The following KCNK2 variants were observed in gnomAD, a reference collection of about 807,000 sequenced individuals.
KCNK2 encodes potassium channel subfamily K member 2.
KCNK2 carries 21 observed loss-of-function variants against 40.5 expected under a neutral mutation model. That is an observed-to-expected ratio of 0.52 (90% CI 0.37 to 0.75). KCNK2 has a LOEUF of 0.75. Among genes scored for constraint, KCNK2 ranks in the 30% least tolerant of loss-of-function variants. The pLI, the probability that KCNK2 is intolerant of heterozygous loss-of-function variation, is 0.00. For missense variants in KCNK2, 399 were observed against 531.6 expected (o/e 0.75, Z 2.45); for synonymous variants, 191 against 202.2 (o/e 0.94, Z 0.47).
chr1:215,147,407 A>G (rs973701224), intron 3 of KCNK2, among the ~76,000 whole-genome samples: 4 of 152,246 alleles, frequency 2.6e-5, no homozygotes, highest in Non-Finnish European at 4.4e-5. Flanking sequence ...AAAATTCTAA[A>G]ATGAACAGAT....
At chr1:215,205,543 G>A (rs1279739739) in intron 6 of KCNK2, among the ~76,000 whole-genome samples, 1 of 152,096 alleles carries the variant, frequency 6.6e-6, no homozygotes, top group African/African-American at 2.4e-5. Context: ...GTGTCCGGCT[G>A]GGAAGAAGAT....
intron 3 of KCNK2, among the ~76,000 whole-genome samples, chr1:215,151,851 A>G (rs913808323): frequency 6.6e-6 from 1 of 152,086 alleles, no homozygotes; most frequent in Admixed American, 6.6e-5. Flanking sequence ...CAGGAATTTT[A>G]GCCTAACCAT....
At chr1:215,228,277 G>C (rs913334897) in intron 6 of KCNK2, among the ~76,000 whole-genome samples, 7 of 152,230 alleles carry the variant, frequency 4.6e-5, no homozygotes, top group African/African-American at 1.2e-4. Flanking sequence ...ACAGCCATGA[G>C]AGTGTGCTGA....
At chr1:215,147,558 G>A (rs183895316) in intron 3 of KCNK2, among the ~76,000 whole-genome samples, 15 of 151,996 alleles carry the variant, frequency 9.9e-5, no homozygotes, top group East Asian at 5.8e-4. Flanking sequence ...GTGGCCTGGC[G>A]CAGTGGCTCA....
intron 2 of KCNK2, among the ~76,000 whole-genome samples, chr1:215,122,466 A>G (rs1267518303): frequency 1.3e-5 from 2 of 152,136 alleles, no homozygotes; most frequent in East Asian, 3.8e-4. Context: ...AGAATTAGCT[A>G]TCTCAAGCTT....
At chr1:215,089,895 C>T (rs1030667932) in intron 2 of KCNK2, among the ~76,000 whole-genome samples, 11 of 150,196 alleles carry the variant, frequency 7.3e-5, no homozygotes, top group Non-Finnish European at 1.3e-4. Context: ...GGCGTGATCT[C>T]GGCTCACTGC....
chr1:215,025,574 A>G (rs1418325133), intron 1 of KCNK2, among the ~76,000 whole-genome samples: 2 of 152,216 alleles, frequency 1.3e-5, no homozygotes, highest in East Asian at 3.9e-4. Context: ...GTCACATTAT[A>G]TATTATGTGC....
At chr1:215,139,634 T>G (rs1371080656) in intron 3 of KCNK2, among the ~76,000 whole-genome samples, 1 of 152,050 alleles carries the variant, frequency 6.6e-6, no homozygotes. Context: ...AAATACAAAA[T>G]TAGCTGGACT....
chr1:215,177,045 A>G (rs1250000897), intron 5 of KCNK2, among the ~76,000 whole-genome samples: 5 of 152,176 alleles, frequency 3.3e-5, no homozygotes, highest in Admixed American at 6.5e-5. Flanking sequence ...CTGGCATGGA[A>G]TGGTAGCTCA....
intron 5 of KCNK2, among the ~76,000 whole-genome samples, chr1:215,180,458 G>C (rs1023021768): frequency 1.3e-5 from 2 of 151,932 alleles, no homozygotes; most frequent in African/African-American, 4.8e-5. Flanking sequence ...AACCTCTGTG[G>C]GCTATATACT....
In KCNK2 at chr1:215,086,607, G is replaced by T. The variant is rs777449271; in HGVS notation, c.286G>T (p.Val96Leu). 37 of 1,614,082 alleles carry T rather than the reference G, an allele frequency of 2.3e-5. No homozygotes were observed. The Middle Eastern group carries it at 9.9e-4, about 43-fold the overall frequency. The change falls in exon 2 of 7, where the codon GTG (valine) becomes TTG (leucine). Residue 96 changes from valine to leucine, a missense_variant. Val to Leu is a conservative substitution (Grantham distance 32). Around this residue, in one of 3 missense-constraint regions of KCNK2, gnomAD observed 279 missense variants for 353.8 expected, o/e 0.79. Coordinates refer to ENST00000444842, the MANE Select transcript of KCNK2 (RefSeq NM_001017425.3). ...PHEISQRTTI[V>L]IQKQTFISQH... is the part of the protein sequence containing the mutation. ...TGAGATTTCACAGAGGACCACCATT[G>T]TGATCCAGAAGCAAACATTCATATC...
At chr1:215,213,453 A>G (rs1665828231) in intron 6 of KCNK2, among the ~76,000 whole-genome samples, 1 of 152,160 alleles carries the variant, frequency 6.6e-6, no homozygotes. Flanking sequence ...TACTAAAAAA[A>G]TACAAAAATT....
intron 2 of KCNK2, among the ~76,000 whole-genome samples, chr1:215,117,727 G>T (rs1661009849): frequency 1.3e-5 from 2 of 152,070 alleles, no homozygotes; most frequent in South Asian, 2.1e-4. Context: ...GAAGTTGTTT[G>T]CTTCCTTGTT....
In KCNK2 at chr1:215,086,541, A is replaced by G. The variant is rs1558084201; in HGVS notation, c.220A>G (p.Ile74Val). 1 of 1,614,140 alleles carries G rather than the reference A, an allele frequency of 6.2e-7. No individual in the cohort carries two copies. The highest frequency in any genetic ancestry group is 2.2e-5 in the East Asian group (1 of 44,876). ...TIFLVVVLYL[I>V]IGATVFKALE... ...ATTCCTGGTGGTTGTCCTCTATCTGATCATCGGAGCCACCGTGTTCAAAGC... is the reference window on the plus strand; with the variant it reads ...ATTCCTGGTGGTTGTCCTCTATCTGGTCATCGGAGCCACCGTGTTCAAAGC... The change falls in exon 2 of 7, where the codon ATC (isoleucine) becomes GTC (valine). Residue 74 changes from isoleucine to valine, a missense_variant. By Grantham distance (29) the Ile-to-Val change is conservative. Transcript: ENST00000444842.
chr1:215,173,046 T>G (rs1380558857), intron 5 of KCNK2, among the ~76,000 whole-genome samples: 2 of 152,176 alleles, frequency 1.3e-5, no homozygotes, highest in Non-Finnish European at 2.9e-5. Flanking sequence ...GTTACACATG[T>G]GCCATGTTGG....
chr1:215,215,737 A>C (rs1665934925), intron 6 of KCNK2, among the ~76,000 whole-genome samples: 2 of 152,134 alleles, frequency 1.3e-5, no homozygotes, highest in African/African-American at 4.8e-5. Flanking sequence ...TTATCCTTAC[A>C]TTCAGAGGCA....
At chr1:215,081,176 TG>T (rs1305444332), upstream of KCNK2, among the ~76,000 whole-genome samples, 1 of 150,864 alleles carries the variant, frequency 6.6e-6, no homozygotes, top group Non-Finnish European at 1.5e-5. Flanking sequence ...TGTGTGTGTG[TG>T]TGTGTGTGTG....
chr1:215,106,664 G>T (rs149253405), intron 2 of KCNK2, among the ~76,000 whole-genome samples: 17 of 152,102 alleles, frequency 1.1e-4, no homozygotes, highest in African/African-American at 4.1e-4. Context: ...ATTTGCCAAG[G>T]TTGATGTTGA....
chr1:215,171,196 G>A (rs1163541925), intron 4 of KCNK2, among the ~76,000 whole-genome samples: 1 of 152,072 alleles, frequency 6.6e-6, no homozygotes, highest in African/African-American at 2.4e-5. Flanking sequence ...TAGAAATCTG[G>A]ATATAAACTG....
Sources: gnomAD v4.1 joint callset for allele counts (sites outside exome capture counted in the v4.1 genomes callset) on GRCh38, gnomAD v4.1.1 for gene constraint, gnomAD v4.1.1 regional missense constraint, MANE v1.5 for transcripts, NCBI Gene and HGNC (gene_info 2026-07-23, HGNC 2026-07-21) for gene names.